KIAA1549: variants seen among roughly 807,000 people sequenced by gnomAD.
KIAA1549 encodes the protein KIAA1549, also known as UPF0606 protein KIAA1549.
In KIAA1549, 70 loss-of-function variants were observed where a neutral mutation model predicts 156.4. The observed-to-expected ratio is 0.45, with a 90% confidence interval of 0.37 to 0.55. KIAA1549 has a LOEUF of 0.55. Among genes scored for constraint, KIAA1549 ranks in the 20% least tolerant of loss-of-function variants. The pLI is 0.00. For synonymous variants in KIAA1549, 1,103 were observed against 1,066.4 expected (o/e 1.03, Z -0.67); for missense variants, 2,428 against 2,540.9 (o/e 0.96, Z 0.96).
intron 1 of KIAA1549, among the ~76,000 whole-genome samples, chr7:138,967,723 A>T (rs1265374595): frequency 2.0e-5 from 3 of 152,110 alleles, no homozygotes; most frequent in African/African-American, 7.2e-5. Flanking sequence ...TAGTGCAAGG[A>T]TGCTGAGGTG....
chr7:138,889,731 T>C (rs1811496344), intron 10 of KIAA1549, among the ~76,000 whole-genome samples: 1 of 152,232 alleles, frequency 6.6e-6, no homozygotes. Flanking sequence ...TCTCACAAAC[T>C]GAGTGAGTCA....
At chr7:138,892,525 C>T (rs1436823006) in intron 10 of KIAA1549, among the ~76,000 whole-genome samples, 1 of 152,162 alleles carries the variant, frequency 6.6e-6, no homozygotes, top group Admixed American at 6.5e-5. Context: ...CAGGTTTCCC[C>T]ATGCCATTCA....
chr7:138,943,845 T>C (rs183124207), intron 1 of KIAA1549, among the ~76,000 whole-genome samples: 37 of 148,746 alleles, frequency 2.5e-4, no homozygotes, highest in Admixed American at 2.1e-3. Context: ...TGAGACTCCA[T>C]CTCAGAAAAA....
chr7:138,920,461 G>GGATT (rs1812536632), intron 1 of KIAA1549, among the ~76,000 whole-genome samples: 1 of 146,008 alleles, frequency 6.8e-6, no homozygotes, highest in Non-Finnish European at 1.5e-5. Context: ...GACATCACTT[G>GGATT]GATTGATGAA....
At chr7:138,908,347 A>T (rs1812068359) in intron 5 of KIAA1549, among the ~76,000 whole-genome samples, 1 of 152,252 alleles carries the variant, frequency 6.6e-6, no homozygotes, top group Non-Finnish European at 1.5e-5. Context: ...ATGAAAATGG[A>T]GCAAAGAACA....
chr7:138,869,480 GC>G, intron 14 of KIAA1549, 57 bp downstream of exon 14: 1 of 1,346,994 alleles, frequency 7.4e-7, no homozygotes, highest in Non-Finnish European at 1.0e-6. Flanking sequence ...CTGCTCCTGT[GC>G]CCCCCGCAGC....
intron 1 of KIAA1549, among the ~76,000 whole-genome samples, chr7:138,957,519 C>G (rs981479678): frequency 7.1e-6 from 1 of 140,348 alleles, no homozygotes; most frequent in African/African-American, 2.8e-5. Flanking sequence ...GCTGTTTGGC[C>G]CAGGCTGGAG....
intron 2 of KIAA1549, among the ~76,000 whole-genome samples, chr7:138,914,757 A>C (rs949276232): frequency 6.6e-6 from 1 of 152,208 alleles, no homozygotes; most frequent in African/African-American, 2.4e-5. Flanking sequence ...ATTTACAAAA[A>C]CTGTTCAAGT....
chr7:138,962,715 T>C (rs1813890965), intron 1 of KIAA1549, among the ~76,000 whole-genome samples: 1 of 152,128 alleles, frequency 6.6e-6, no homozygotes, highest in African/African-American at 2.4e-5. Flanking sequence ...GGAGCAGAAT[T>C]ATCCATCCGA....
At chr7:138,980,406 T>C (rs1428623417) in intron 1 of KIAA1549, among the ~76,000 whole-genome samples, 4 of 152,258 alleles carry the variant, frequency 2.6e-5, no homozygotes, top group African/African-American at 9.6e-5. Flanking sequence ...AGTCACTAAA[T>C]TGCATCTGTT....
intron 17 of KIAA1549, among the ~76,000 whole-genome samples, 179 bp from the exon 18 acceptor site, chr7:138,844,653 T>C (rs1420151109): frequency 6.6e-6 from 1 of 152,116 alleles, no homozygotes; most frequent in Non-Finnish European, 1.5e-5. Context: ...ACTTTTCTAT[T>C]TGTTCACTGC....
intron 1 of KIAA1549, among the ~76,000 whole-genome samples, chr7:138,941,359 C>T (rs1813178730): frequency 6.6e-6 from 1 of 152,132 alleles, no homozygotes; most frequent in Admixed American, 6.5e-5. Flanking sequence ...GAAATTATGA[C>T]ACTTAAGAAG....
chr7:138,952,321 G>A (rs944178951), intron 1 of KIAA1549, among the ~76,000 whole-genome samples: 2 of 152,150 alleles, frequency 1.3e-5, no homozygotes, highest in African/African-American at 4.8e-5. Flanking sequence ...ATAAGAATCC[G>A]GGATTCTGGA....
intron 1 of KIAA1549, among the ~76,000 whole-genome samples, chr7:138,967,322 G>A (rs1390519658): frequency 1.3e-5 from 2 of 152,202 alleles, no homozygotes; most frequent in Non-Finnish European, 2.9e-5. Context: ...GGAGGCGGTT[G>A]CTAATTTTTC....
intron 12 of KIAA1549, among the ~76,000 whole-genome samples, chr7:138,875,971 G>GC (rs1476934889): frequency 6.9e-6 from 1 of 144,654 alleles, no homozygotes; most frequent in East Asian, 2.0e-4. Context: ...AATTTTTTCT[G>GC]TTTTTTTTTT....
At chr7:138,933,318 C>T (rs1043162737) in intron 1 of KIAA1549, among the ~76,000 whole-genome samples, 1 of 152,196 alleles carries the variant, frequency 6.6e-6, no homozygotes, top group Non-Finnish European at 1.5e-5. Context: ...CAAAATGTTT[C>T]CTCTACTCAT....
At position 138,977,655 on chromosome 7, in the gene KIAA1549, A is replaced by AACACACACACACACACAC. The variant is rs10625706; in HGVS notation, c.187+3410_187+3427dup. On this transcript the variant is annotated intron_variant, in intron 1 of 19. Coordinates refer to ENST00000422774, the MANE Select transcript of KIAA1549 (RefSeq NM_001164665.2). ...CCTTCCACAAATGTATACTCAAGAAAACACACACACACACACACACACACA... is the reference window on the plus strand; with the variant it reads ...CCTTCCACAAATGTATACTCAAGAAAACACACACACACACACACACACACACACACACACACACACACA... 1.6e-3 allele frequency among the ~76,000 whole-genome samples: 229 copies of AACACACACACACACACAC among 146,908 alleles called. 3 individuals are homozygous for AACACACACACACACACAC. The highest frequency in any genetic ancestry group is 5.4e-3 in the African/African-American group (215 of 39,710).
intron 6 of KIAA1549, among the ~76,000 whole-genome samples, chr7:138,905,612 C>T (rs1301505804): frequency 6.6e-6 from 1 of 152,128 alleles, no homozygotes; most frequent in African/African-American, 2.4e-5. Flanking sequence ...ATTAACAATA[C>T]ACTAAAATAC....
intron 12 of KIAA1549, among the ~76,000 whole-genome samples, chr7:138,873,047 T>C (rs1810983283): frequency 6.6e-6 from 1 of 152,220 alleles, no homozygotes; most frequent in Non-Finnish European, 1.5e-5. Flanking sequence ...AAGCCTAACA[T>C]TTGAAACTTC....
Sources: allele counts gnomAD v4.1 joint callset (sites outside exome capture counted in the v4.1 genomes callset), GRCh38; gene constraint gnomAD v4.1.1; transcripts MANE v1.5; gene names NCBI Gene and HGNC (gene_info 2026-07-23, HGNC 2026-07-21).